Variants in SEMA6D observed in about 807,000 individuals in gnomAD.
SEMA6D encodes semaphorin 6D.
SEMA6D carries 35 observed loss-of-function variants against 106.6 expected under a neutral mutation model. The ratio of observed to expected loss-of-function variants is 0.33; its 90% CI spans 0.25 to 0.44. The LOEUF (loss-of-function observed/expected upper bound fraction) is 0.44. Ranked by LOEUF, SEMA6D falls within the 20% of genes least tolerant of loss-of-function variation. SEMA6D has a pLI of 1.00. For synonymous variants in SEMA6D, 499 were observed against 487.7 expected (o/e 1.02, Z -0.31); for missense variants, 1,185 against 1,345.9 (o/e 0.88, Z 1.87).
At chr15:47,583,159 C>G (rs981246720) in intron 3 of SEMA6D, among the ~76,000 whole-genome samples, 13 of 152,184 alleles carry the variant, frequency 8.5e-5, no homozygotes, top group Non-Finnish European at 1.8e-4. Flanking sequence ...GGCCCTAAGT[C>G]CACTTCAGCA....
intron 1 of SEMA6D, among the ~76,000 whole-genome samples, chr15:47,390,520 T>C (rs902286584): frequency 2.6e-4 from 40 of 152,268 alleles, no homozygotes; most frequent in African/African-American, 9.4e-4. Context: ...CCACCACATA[T>C]GCCTTTCCAC....
intron 4 of SEMA6D, among the ~76,000 whole-genome samples, chr15:47,664,290 C>T (rs573363907): frequency 8.4e-4 from 128 of 152,234 alleles, no homozygotes; most frequent in African/African-American, 3.0e-3. Context: ...ATTTGCTCTG[C>T]TTGGATTATT....
chr15:47,193,792 T>A (rs1275580105), intron 1 of SEMA6D, among the ~76,000 whole-genome samples: 1 of 152,102 alleles, frequency 6.6e-6, no homozygotes, highest in African/African-American at 2.4e-5. Context: ...TGCCTTCTCC[T>A]TGAAAAGCCT....
chr15:47,588,391 T>G (rs2076380387), intron 3 of SEMA6D, among the ~76,000 whole-genome samples: 1 of 152,130 alleles, frequency 6.6e-6, no homozygotes, highest in Non-Finnish European at 1.5e-5. Context: ...CAGAGTCAAA[T>G]CCCTGGTATT....
chr15:47,325,960 T>C, intron 1 of SEMA6D, among the ~76,000 whole-genome samples: 1 of 152,216 alleles, frequency 6.6e-6, no homozygotes. Flanking sequence ...AACTAGTTAT[T>C]AGAGCCTGCA....
At position 47,763,121 on chromosome 15, in the gene SEMA6D, G is replaced by T; in HGVS notation, c.747+17G>T. ...TTAGGCAAGGCAAGTATATGCATTT[G>T]GCTTGAATTGTGGACTTGTACTGCA... On this transcript the variant is annotated intron_variant, in intron 9 of 18. Coordinates refer to ENST00000536845, the MANE Select transcript of SEMA6D (RefSeq NM_001358351.3). 6.3e-7 allele frequency: 1 copy of T among 1,592,100 alleles called. No homozygotes were observed. The highest frequency in any genetic ancestry group is 8.6e-7 in the Non-Finnish European group (1 of 1,162,894).
intron 1 of SEMA6D, among the ~76,000 whole-genome samples, chr15:47,300,186 C>T (rs1204438825): frequency 6.6e-6 from 1 of 152,152 alleles, no homozygotes; most frequent in Non-Finnish European, 1.5e-5. Flanking sequence ...TTTCCTCCTC[C>T]TCACGCTGAG....
chr15:47,423,030 C>A (rs2041221748), intron 2 of SEMA6D, among the ~76,000 whole-genome samples: 2 of 152,018 alleles, frequency 1.3e-5, no homozygotes, highest in South Asian at 4.1e-4. Flanking sequence ...AGATATATAA[C>A]TGAAAGGCAA....
intron 2 of SEMA6D, among the ~76,000 whole-genome samples, chr15:47,457,496 T>C (rs1488906542): frequency 6.6e-6 from 1 of 151,868 alleles, no homozygotes; most frequent in Admixed American, 6.6e-5. Flanking sequence ...AGCACAGATA[T>C]GGAGGATAAT....
intron 1 of SEMA6D, among the ~76,000 whole-genome samples, chr15:47,398,932 C>T (rs1331288318): frequency 2.0e-5 from 3 of 152,136 alleles, no homozygotes; most frequent in Non-Finnish European, 4.4e-5. Context: ...TAACCTTGGT[C>T]AAGACACTTA....
rs146058403 is a variant in SEMA6D, at chr15:47,728,249, C to T, written c.-55+10557C>T. ...CTGTGGATCCCTTACTCACCCTGCACGATTAGAATGAGCATTAAATAAGAC... is the reference window on the plus strand; with the variant it reads ...CTGTGGATCCCTTACTCACCCTGCATGATTAGAATGAGCATTAAATAAGAC... On this transcript the variant is annotated intron_variant, in intron 1 of 18. Coordinates refer to ENST00000536845, the MANE Select transcript of SEMA6D (RefSeq NM_001358351.3). Among the ~76,000 whole-genome samples the T allele has an allele frequency of 2.8e-3, 429 of 152,230 alleles. 2 individuals carry two copies. The highest frequency in any genetic ancestry group is 9.5e-3 in the African/African-American group (393 of 41,526).
chr15:47,221,649 C>G (rs1314057207), intron 1 of SEMA6D, among the ~76,000 whole-genome samples: 1 of 152,166 alleles, frequency 6.6e-6, no homozygotes, highest in Non-Finnish European at 1.5e-5. Flanking sequence ...TGAATGTAAA[C>G]AAAAGACAGT....
chr15:47,305,900 A>G (rs1363343934), intron 1 of SEMA6D, among the ~76,000 whole-genome samples: 2 of 152,206 alleles, frequency 1.3e-5, no homozygotes, highest in East Asian at 3.9e-4. Flanking sequence ...TTACATTCTC[A>G]GTGCTAGCAC....
At chr15:47,367,813 G>A (rs2039117637) in intron 1 of SEMA6D, among the ~76,000 whole-genome samples, 1 of 151,872 alleles carries the variant, frequency 6.6e-6, no homozygotes, top group Non-Finnish European at 1.5e-5. Flanking sequence ...TGACAACATA[G>A]GCATCTCTTT....
Position 47,774,008 on chromosome 15 carries a change from C to T in SEMA6D, c.*2223C>T, listed in dbSNP as rs933890658. 6.6e-6 allele frequency: 1 copy of T among 152,538 alleles called. No homozygotes were observed. The highest frequency in any genetic ancestry group is 1.5e-5 in the Non-Finnish European group (1 of 68,008). The allele number at this position is 152,538 out of a possible 1,614,324, so 9.4% of individuals were successfully genotyped here. On this transcript the variant is annotated 3_prime_UTR_variant, in exon 19 of 19. Transcript: ENST00000536845. ...ATCCTGTTAATTTAATTTTTAAATG[C>T]TTTATCCATTTGTGCAAAGGTAAAC... is the stretch of plus-strand genomic sequence containing the variant.
intron 2 of SEMA6D, among the ~76,000 whole-genome samples, chr15:47,446,291 C>T (rs2042026013): frequency 6.6e-6 from 1 of 152,098 alleles, no homozygotes. Flanking sequence ...GGCCACAAGC[C>T]TTGGGGGAAG....
At chr15:47,559,001 A>G (rs1222428196) in intron 3 of SEMA6D, among the ~76,000 whole-genome samples, 1 of 152,012 alleles carries the variant, frequency 6.6e-6, no homozygotes, top group Non-Finnish European at 1.5e-5. Context: ...AGAAAGTGCT[A>G]ATAGATGAGA....
intron 1 of SEMA6D, among the ~76,000 whole-genome samples, chr15:47,301,302 A>C (rs2036007327): frequency 6.6e-6 from 1 of 152,224 alleles, no homozygotes. Context: ...CTCAAGAGTG[A>C]ACATGCATCA....
chr15:47,520,141 C>T (rs1314541580), intron 3 of SEMA6D, among the ~76,000 whole-genome samples: 1 of 152,164 alleles, frequency 6.6e-6, no homozygotes, highest in Non-Finnish European at 1.5e-5. Flanking sequence ...TCCTTGATAC[C>T]TGGGATATTC....
Sources: gnomAD v4.1 joint callset for allele counts (sites outside exome capture counted in the v4.1 genomes callset) on GRCh38, gnomAD v4.1.1 for gene constraint, MANE v1.5 for transcripts, NCBI Gene and HGNC (gene_info 2026-07-23, HGNC 2026-07-21) for gene names.